The following CHD2 variants were observed in gnomAD, a reference collection of about 807,000 sequenced individuals.
CHD2 encodes the protein ATP-dependent chromatin remodeler CHD2.
A neutral mutation model predicts 243.9 loss-of-function variants in CHD2; 28 were observed. The observed-to-expected ratio is 0.11, with a 90% CI of 0.09 to 0.16. The LOEUF is 0.16. CHD2 is among the 10% of genes least tolerant of loss of function. The pLI is 1.00. For missense variants in CHD2, 1,386 were observed against 2,209.8 expected, an observed-to-expected ratio of 0.63 and a Z score of 7.47; for synonymous variants, 775 against 779.0, an observed-to-expected ratio of 0.99 and a Z score of 0.09.
chr15:92,909,958 G>T (rs79556885), intron 2 of CHD2, among the ~76,000 whole-genome samples: 22 of 83,754 alleles, frequency 2.6e-4, no homozygotes, highest in African/African-American at 8.2e-4. Context: ...GTGTGTGTGT[G>T]TGTGTGTGTG....
chr15:92,947,899 A>G (rs536432488), intron 12 of CHD2, among the ~76,000 whole-genome samples: 2 of 152,240 alleles, frequency 1.3e-5, no homozygotes, highest in African/African-American at 4.8e-5. Context: ...ATAGAGCACT[A>G]ATCTTCAGAG....
intron 1 of CHD2, among the ~76,000 whole-genome samples, 165 bp downstream of exon 1, chr15:92,900,989 C>G (rs1282133829): frequency 6.7e-6 from 1 of 150,166 alleles, no homozygotes; most frequent in Non-Finnish European, 1.5e-5. Flanking sequence ...AGTGATGCTT[C>G]CACTGTTCGG....
chr15:92,918,193 G>A (rs961607427), intron 2 of CHD2, among the ~76,000 whole-genome samples: 5 of 152,288 alleles, frequency 3.3e-5, no homozygotes, highest in African/African-American at 1.2e-4. Context: ...TCAAAGTCCA[G>A]TTCCAAGAAG....
intron 5 of CHD2, among the ~76,000 whole-genome samples, chr15:92,936,745 G>C (rs529804193): frequency 1.3e-5 from 2 of 152,160 alleles, no homozygotes; most frequent in East Asian, 1.9e-4. Flanking sequence ...TTTCTACCCA[G>C]TATCAGCATT....
chr15:92,939,325 G>A (rs762734857), intron 6 of CHD2, among the ~76,000 whole-genome samples: 3 of 152,172 alleles, frequency 2.0e-5, no homozygotes, highest in Non-Finnish European at 2.9e-5. Flanking sequence ...ATGAACATTT[G>A]TGAAACATTC....
chr15:92,949,446 T>G (rs1368988947), intron 13 of CHD2, among the ~76,000 whole-genome samples: 10 of 152,212 alleles, frequency 6.6e-5, no homozygotes, highest in Admixed American at 6.5e-4. Context: ...TCACATGTAT[T>G]TTCTTTCTAG....
At chr15:92,961,627 G>A (rs2141822899) in intron 16 of CHD2, among the ~76,000 whole-genome samples, 1 of 151,982 alleles carries the variant, frequency 6.6e-6, no homozygotes, top group African/African-American at 2.4e-5. Flanking sequence ...GTCCAGGTTG[G>A]TCTCGAACTT....
At chr15:92,926,636 A>G (rs964685349) in intron 3 of CHD2, among the ~76,000 whole-genome samples, 2 of 152,218 alleles carry the variant, frequency 1.3e-5, no homozygotes, top group Admixed American at 6.5e-5. Context: ...TACAAAAATC[A>G]GGTCTTAAAG....
At chr15:92,988,183 A>G (rs1046822429) in intron 26 of CHD2, among the ~76,000 whole-genome samples, 8 of 151,984 alleles carry the variant, frequency 5.3e-5, no homozygotes. Context: ...CCCAGGTTCA[A>G]GTGACTGTCC....
intron 13 of CHD2, among the ~76,000 whole-genome samples, chr15:92,949,729 C>T (rs1287835237): frequency 6.6e-6 from 1 of 152,166 alleles, no homozygotes; most frequent in Admixed American, 6.5e-5. Flanking sequence ...TTACTAAGTG[C>T]TAGGTGTTAG....
rs57901158 is a variant in CHD2, at chr15:92,978,428, CA to C, written c.2727+46del. 3.4e-3 allele frequency: 5,326 copies of C among 1,584,088 alleles called. 260 individuals carry two copies. In the Admixed American group the frequency reaches 0.078, roughly 23 times the overall value. On this transcript the variant is annotated intron_variant, in intron 21 of 38. Coordinates refer to ENST00000394196, the MANE Select transcript of CHD2 (RefSeq NM_001271.4). The stretch of plus-strand genomic sequence containing the variant: ...TGGAAATTGCTTTAGGGTTGGGGGC[CA>C]GGGGGCTTGTTCAGCCCTTTCAGGA...
At chr15:92,999,890 A>G (rs982968971) in intron 31 of CHD2, among the ~76,000 whole-genome samples, 1 of 152,158 alleles carries the variant, frequency 6.6e-6, no homozygotes, top group East Asian at 1.9e-4. Flanking sequence ...TTGTATACAG[A>G]GTGATTTTCC....
intron 2 of CHD2, among the ~76,000 whole-genome samples, chr15:92,906,785 A>T (rs1028600122): frequency 2.0e-5 from 3 of 151,180 alleles, no homozygotes; most frequent in African/African-American, 7.3e-5. Flanking sequence ...AAAGAAACTT[A>T]AAAAAAAATT....
At chr15:92,941,086 C>T (rs1368567754) in intron 7 of CHD2, among the ~76,000 whole-genome samples, 2 of 149,646 alleles carry the variant, frequency 1.3e-5, no homozygotes, top group East Asian at 3.9e-4. Flanking sequence ...ACTGCAACCT[C>T]TGCCTCCCGG....
chr15:92,928,983 C>T (rs2053116318), intron 4 of CHD2, 47 bp from the exon 5 acceptor site: 1 of 1,563,264 alleles, frequency 6.4e-7, no homozygotes, highest in Non-Finnish European at 8.8e-7. Flanking sequence ...TCCCGAAGAA[C>T]TGTGAATTAA....
Position 92,942,851 on chromosome 15 carries a change from G to T in CHD2, c.835G>T (p.Ala279Ser). The T allele has an allele frequency of 1.2e-6, 2 of 1,602,806 alleles. No homozygotes were observed. Among genetic ancestry groups the T allele is most frequent in the Non-Finnish European group, 1.7e-6 (2 of 1,176,014 alleles). ...SRLGKKGATGASTTVYAIEAN... is the reference protein window; with the variant it reads ...SRLGKKGATGSSTTVYAIEAN... ...ACTTAATCCTTTTGCAGCCACTGGA[G>T]CATCTACTACTGTATATGCGATTGA... Residue 279 changes from alanine (A) to serine (S), a missense_variant, in exon 9 of 39, where the codon GCA becomes TCA. Coordinates refer to ENST00000394196, the MANE Select transcript of CHD2 (RefSeq NM_001271.4).
In CHD2 at chr15:92,948,836, C is replaced by G. The variant is rs571369216; in HGVS notation, c.1378-116C>G. ...CCTGGGTGACAGAGCAAGACTCCGTCTCAAAAAAAGAAATTTGAGTTTTTA... is the reference window on the plus strand; with the variant it reads ...CCTGGGTGACAGAGCAAGACTCCGTGTCAAAAAAAGAAATTTGAGTTTTTA... On this transcript the variant is annotated intron_variant, in intron 12 of 38. Coordinates refer to ENST00000394196, the MANE Select transcript of CHD2 (RefSeq NM_001271.4). 298 of 1,214,140 alleles carry G rather than the reference C, an allele frequency of 2.5e-4. 3 individuals are homozygous for G. In the South Asian group the frequency reaches 4.2e-3, roughly 17 times the overall value. The allele number at this position is 1,214,140 out of a possible 1,614,324, so 75.2% of individuals were successfully genotyped here.
At chr15:92,948,630 G>A (rs559304752) in intron 12 of CHD2, among the ~76,000 whole-genome samples, 25 of 152,210 alleles carry the variant, frequency 1.6e-4, no homozygotes, top group African/African-American at 5.5e-4. Context: ...TCAGGAGATC[G>A]AGACCATCCT....
intron 15 of CHD2, among the ~76,000 whole-genome samples, chr15:92,956,139 G>A (rs1265302209): frequency 6.6e-6 from 1 of 152,162 alleles, no homozygotes; most frequent in Non-Finnish European, 1.5e-5. Context: ...TAATTAAGGG[G>A]AGAATACAGA....
Sources: allele counts gnomAD v4.1 joint callset (sites outside exome capture counted in the v4.1 genomes callset), GRCh38; gene constraint gnomAD v4.1.1; transcripts MANE v1.5; gene names NCBI Gene and HGNC (gene_info 2026-07-23, HGNC 2026-07-21).